The following C4orf50 variants were observed in gnomAD, a reference collection of about 807,000 sequenced individuals.
The protein encoded by C4orf50 is uncharacterized protein C4orf50.
A neutral mutation model predicts 77.2 loss-of-function variants in C4orf50; 80 were observed. That is an observed-to-expected ratio of 1.04 (90% confidence interval 0.87 to 1.25). C4orf50 has a LOEUF of 1.25. Among genes scored for constraint, C4orf50 ranks in the 50% most tolerant of loss-of-function variants. C4orf50 has a pLI of 0.00. For missense variants in C4orf50, 1,257 were observed against 1,152.9 expected (o/e 1.09, Z -1.31); for synonymous variants, 532 against 465.3 (o/e 1.14, Z -1.84).
At position 6,008,339 on chromosome 4, in the gene C4orf50, C is replaced by G. The variant is rs1722338266; in HGVS notation, c.620G>C (p.Arg207Pro). The change falls in exon 25 of 34, where the codon CGC becomes CCC. Residue 207 changes from arginine to proline, a missense_variant. Physicochemically the swap from Arg to Pro is moderately radical, Grantham distance 103. Transcript: ENST00000531445. The surrounding 1 kb of genome is among the most constrained non-coding windows in gnomAD (Gnocchi z 6.0). ...GGCGCGGCAGAGGCGCCGCACGTTG[C>G]GCTCCAGCCGCTGCACCTGCTCCCG... The G allele has an allele frequency of 5.1e-6, 2 of 389,538 alleles. No individual in the cohort carries two copies. The highest frequency in any genetic ancestry group is 4.2e-5 in the African/African-American group (2 of 48,116). 24.1% of individuals were successfully genotyped at this position (389,538 alleles called of 1,614,324 possible). A position where few individuals can be genotyped will look rare whatever the true frequency, so the allele number is the denominator to read the frequency against.
chr4:5,914,132 G>A (rs921010225), intron 7 of C4orf50, among the ~76,000 whole-genome samples: 18 of 151,602 alleles, frequency 1.2e-4, no homozygotes, highest in Non-Finnish European at 4.4e-5. Context: ...AATATTGTAT[G>A]GAAACTTACC....
chr4:5,916,764 A>G lies in C4orf50; in HGVS notation c.*2475-18576T>C, dbSNP rs1717044852. Among the ~76,000 whole-genome samples the G allele has an allele frequency of 6.6e-6, 1 of 152,182 alleles. No individual in the cohort carries two copies. The highest frequency in any genetic ancestry group is 2.4e-5 in the African/African-American group (1 of 41,450). On this transcript the variant is annotated intron_variant, in intron 7 of 7. Transcript: ENST00000324058. This position sits in a 1 kb window ranked among gnomAD's most constrained non-coding sequence, Gnocchi z 4.4. ...GAAATAGGGTCACGGCCCCGAGAGC[A>G]CTTCTGTGAAGAGCACAGAAGGCCT...
intron 7 of C4orf50, among the ~76,000 whole-genome samples, chr4:5,913,066 G>C (rs1716877950): frequency 6.6e-6 from 1 of 152,144 alleles, no homozygotes; most frequent in African/African-American, 2.4e-5. Flanking sequence ...CCCCAAGATG[G>C]CAAAACATCA....
In C4orf50 at chr4:6,018,025, G is replaced by A. The variant is rs928702989; in HGVS notation, c.287+120C>T. On this transcript the variant is annotated intron_variant, in intron 23 of 33. Transcript: ENST00000531445. The surrounding 1 kb of genome is among the most constrained non-coding windows in gnomAD (Gnocchi z 5.1). ...GCAAGTGACTGCGTGGGCAGGTTAC[G>A]TGTCTTTGGTGAGCCAGTTTCCCCA... The A allele has an allele frequency of 7.8e-5, 31 of 397,192 alleles. No homozygotes were observed. The highest frequency in any genetic ancestry group is 5.3e-4 in the African/African-American group (26 of 48,614). The allele number at this position is 397,192 out of a possible 1,614,324, so 24.6% of individuals were successfully genotyped here.
intron 7 of C4orf50, among the ~76,000 whole-genome samples, chr4:5,938,933 G>A (rs1718149661): frequency 6.6e-6 from 1 of 151,908 alleles, no homozygotes; most frequent in African/African-American, 2.4e-5. Context: ...ATGCTTCTCT[G>A]CTTTTTTGAT....
intron 7 of C4orf50, among the ~76,000 whole-genome samples, chr4:5,920,734 C>A (rs1442261660): frequency 2.0e-5 from 3 of 152,156 alleles, no homozygotes; most frequent in Non-Finnish European, 4.4e-5. Context: ...TCTTGGCCTC[C>A]CAAAGTGCTG....
chr4:5,933,067 C>T (rs1342807709), intron 7 of C4orf50, among the ~76,000 whole-genome samples: 1 of 152,110 alleles, frequency 6.6e-6, no homozygotes, highest in Non-Finnish European at 1.5e-5. Flanking sequence ...GACACCAGAG[C>T]CCTGGACGGG....
intron 7 of C4orf50, among the ~76,000 whole-genome samples, chr4:5,928,359 C>CAT (rs1472623210): frequency 7.5e-5 from 10 of 133,094 alleles, no homozygotes; most frequent in Non-Finnish European, 1.7e-4. Flanking sequence ...CACACACACA[C>CAT]ACATACACAC....
At chr4:5,924,412 TC>T (rs1321403351) in intron 7 of C4orf50, among the ~76,000 whole-genome samples, 10 of 152,214 alleles carry the variant, frequency 6.6e-5, no homozygotes, top group African/African-American at 2.4e-4. Context: ...TGGAGGCCTA[TC>T]TTAGCGAGAA....
chr4:6,013,472 A>T (rs1722561999), intron 23 of C4orf50, among the ~76,000 whole-genome samples: 1 of 152,234 alleles, frequency 6.6e-6, no homozygotes, highest in Non-Finnish European at 1.5e-5. Flanking sequence ...GAAAATGACG[A>T]ATTTCACTTT....
At chr4:6,004,286 T>TGTGA (rs1722100267) in intron 25 of C4orf50, among the ~76,000 whole-genome samples, 1 of 28,950 alleles carries the variant, frequency 3.5e-5, no homozygotes, top group African/African-American at 1.0e-4. Flanking sequence ...GATGGTGATG[T>TGTGA]TGGTGATGAT....
At position 5,965,274 on chromosome 4, in the gene C4orf50, C is replaced by G. The variant is rs974621315; in HGVS notation, c.4154-129G>C. On this transcript the variant is annotated intron_variant, in intron 32 of 33. Coordinates refer to ENST00000531445, the Ensembl canonical transcript of C4orf50. Reference sequence around the variant, plus strand: ...CAGATCATTCCCAGTTTCCATGCCCCGGGGCAGAGGTCCTCTCAGATGCCT... The same window carrying G: ...CAGATCATTCCCAGTTTCCATGCCCGGGGGCAGAGGTCCTCTCAGATGCCT... The G allele has an allele frequency of 2.0e-5, 18 of 901,308 alleles. No individual in the cohort carries two copies. In the African/African-American group the frequency reaches 2.4e-4, roughly 12 times the overall value. 55.8% of individuals were successfully genotyped at this position (901,308 alleles called of 1,614,324 possible).
intron 31 of C4orf50, among the ~76,000 whole-genome samples, chr4:5,968,110 C>T (rs909084578): frequency 2.6e-5 from 4 of 152,344 alleles, no homozygotes; most frequent in African/African-American, 9.6e-5. Context: ...TAACTCTTTC[C>T]TGTCTCCACT....
rs1385172908 is a variant in C4orf50, at chr4:6,015,346, T to C, written c.287+2799A>G. 6.6e-6 allele frequency among the ~76,000 whole-genome samples: 1 copy of C among 152,114 alleles called. No homozygotes were observed. Among genetic ancestry groups the C allele is most frequent in the Non-Finnish European group, 1.5e-5 (1 of 68,030 alleles). On this transcript the variant is annotated intron_variant, in intron 23 of 33. Coordinates refer to ENST00000531445, the Ensembl canonical transcript of C4orf50. This position sits in a 1 kb window ranked among gnomAD's most constrained non-coding sequence, Gnocchi z 4.4. Reference sequence around the variant, plus strand: ...AGACACACACAGAGGGATGACCATGTGACGACACAGGGAGAAGGTGGAGTC... The same window carrying C: ...AGACACACACAGAGGGATGACCATGCGACGACACAGGGAGAAGGTGGAGTC...
chr4:5,964,135 G>A (rs1719420311), intron 33 of C4orf50, among the ~76,000 whole-genome samples: 1 of 152,216 alleles, frequency 6.6e-6, no homozygotes, highest in African/African-American at 2.4e-5. Flanking sequence ...AAGCGAGCAG[G>A]GCAATTGAGG....
intron 28 of C4orf50, among the ~76,000 whole-genome samples, chr4:5,983,698 C>G (rs539300620): frequency 2.0e-5 from 3 of 152,308 alleles, no homozygotes; most frequent in South Asian, 2.1e-4. Flanking sequence ...GGGTTTCTCT[C>G]TGAAATATTT....
In C4orf50 at chr4:5,916,244, T is replaced by TG. The variant is rs1467349720; in HGVS notation, c.*2475-18057dup. Among the ~76,000 whole-genome samples, 3 of 152,184 alleles carry TG rather than the reference T, an allele frequency of 2.0e-5. No individual in the cohort carries two copies. Among genetic ancestry groups the TG allele is most frequent in the African/African-American group, 7.2e-5 (3 of 41,450 alleles). ...ACGCACCAACAGCTCCTGGTTACTC[T>TG]GGGGGGCCCATGCACAGAGAATCAT... is the stretch of plus-strand genomic sequence containing the variant. On this transcript the variant is annotated intron_variant, in intron 7 of 7. Transcript: ENST00000324058. The surrounding 1 kb of genome is among the most constrained non-coding windows in gnomAD (Gnocchi z 4.4).
At chr4:5,923,415 G>C (rs1717370848) in intron 7 of C4orf50, 1 of 154,082 alleles carries the variant, frequency 6.5e-6, no homozygotes, top group African/African-American at 2.4e-5. Context: ...ACAAGGGGAA[G>C]GGGGATGCGG....
At chr4:6,006,966 C>T (rs1722274753) in intron 25 of C4orf50, among the ~76,000 whole-genome samples, 1 of 152,202 alleles carries the variant, frequency 6.6e-6, no homozygotes, top group South Asian at 2.1e-4. Context: ...ATGACTGCTT[C>T]CAGAGGAGAG....
Sources: gnomAD v4.1 joint callset for allele counts (sites outside exome capture counted in the v4.1 genomes callset) on GRCh38, gnomAD v4.1.1 for gene constraint, Gnocchi (gnomAD v3.1) non-coding constraint, MANE v1.5 for transcripts, NCBI Gene and HGNC (gene_info 2026-07-23, HGNC 2026-07-21) for gene names.